The following MAML2 variants were observed in gnomAD, a reference collection of about 807,000 sequenced individuals.
MAML2 encodes mastermind-like protein 2.
MAML2 carries 22 observed loss-of-function variants against 96.1 expected under a neutral mutation model. The ratio of observed to expected loss-of-function variants is 0.23; its 90% CI spans 0.16 to 0.33. The LOEUF is 0.33. Ranked by LOEUF, MAML2 falls within the 10% of genes least tolerant of loss-of-function variation. The probability of loss-of-function intolerance (pLI) is 1.00; values close to 1 mark genes in which losing one functional copy is unlikely to be tolerated. For missense variants in MAML2, 1,367 were observed against 1,392.4 expected (o/e 0.98, Z 0.29); for synonymous variants, 561 against 521.3 (o/e 1.08, Z -1.04).
At chr11:96,113,169 A>G (rs1860160731) in intron 1 of MAML2, among the ~76,000 whole-genome samples, 1 of 34,428 alleles carries the variant, frequency 2.9e-5, no homozygotes, top group Admixed American at 4.2e-4. Flanking sequence ...AGTCTTTAAA[A>G]GACAAAAAAA....
intron 2 of MAML2, among the ~76,000 whole-genome samples, chr11:96,002,685 T>TAATGA (rs1554994167): frequency 4.3e-5 from 3 of 69,290 alleles, no homozygotes; most frequent in Admixed American, 1.7e-4. Flanking sequence ...ATGATGGGGA[T>TAATGA]GGTGGGGAGC....
chr11:96,196,502 C>T (rs553471914), intron 1 of MAML2, among the ~76,000 whole-genome samples: 62 of 152,168 alleles, frequency 4.1e-4, no homozygotes, highest in Non-Finnish European at 7.8e-4. Context: ...CAGGGATTGA[C>T]CATTGAAGTC....
At chr11:96,126,385 C>T (rs1357828769) in intron 1 of MAML2, among the ~76,000 whole-genome samples, 1 of 152,130 alleles carries the variant, frequency 6.6e-6, no homozygotes, top group Non-Finnish European at 1.5e-5. Context: ...TGGTGAAACC[C>T]TGTCTCTACT....
intron 2 of MAML2, among the ~76,000 whole-genome samples, chr11:96,090,684 TA>T (rs1346739577): frequency 6.6e-6 from 1 of 152,232 alleles, no homozygotes; most frequent in Non-Finnish European, 1.5e-5. Flanking sequence ...TATAATTTTT[TA>T]AAAACACACT....
At chr11:96,285,374 A>G (rs1863124682) in intron 1 of MAML2, among the ~76,000 whole-genome samples, 1 of 152,250 alleles carries the variant, frequency 6.6e-6, no homozygotes, top group African/African-American at 2.4e-5. Context: ...TAAACACCTT[A>G]GAAGAAAATC....
At chr11:96,327,547 C>G (rs1452126846) in intron 1 of MAML2, among the ~76,000 whole-genome samples, 1 of 151,984 alleles carries the variant, frequency 6.6e-6, no homozygotes, top group East Asian at 2.0e-4. Flanking sequence ...CCTGCCTCAA[C>G]AGATTACAGG....
intron 1 of MAML2, among the ~76,000 whole-genome samples, chr11:96,117,211 C>A (rs1203392677): frequency 2.6e-5 from 4 of 151,366 alleles, no homozygotes; most frequent in Non-Finnish European, 5.9e-5. Flanking sequence ...ACTAGCCTTG[C>A]AAATTTCCAT....
chr11:96,020,444 T>C (rs959313632), intron 2 of MAML2, among the ~76,000 whole-genome samples: 4 of 152,258 alleles, frequency 2.6e-5, no homozygotes, highest in African/African-American at 7.2e-5. Flanking sequence ...TTTCTCTTGT[T>C]CTCAGCTAGG....
chr11:96,187,166 A>G (rs1041843631), intron 1 of MAML2, among the ~76,000 whole-genome samples: 2 of 152,166 alleles, frequency 1.3e-5, no homozygotes, highest in African/African-American at 4.8e-5. Flanking sequence ...ATTCATTTGG[A>G]TACTTTCTCC....
chr11:96,100,747 TC>T (rs1452606710), intron 1 of MAML2, among the ~76,000 whole-genome samples: 20 of 137,032 alleles, frequency 1.5e-4, no homozygotes, highest in Admixed American at 1.5e-4. Context: ...TTTTTTTTTT[TC>T]TTTTTTTTTT....
intron 1 of MAML2, among the ~76,000 whole-genome samples, chr11:96,225,564 G>A (rs1862198848): frequency 6.6e-6 from 1 of 152,188 alleles, no homozygotes; most frequent in African/African-American, 2.4e-5. Context: ...AGGCATGGTG[G>A]TTCACACCTG....
intron 2 of MAML2, among the ~76,000 whole-genome samples, chr11:96,026,998 A>G (rs2135742258): frequency 6.6e-6 from 1 of 152,270 alleles, no homozygotes; most frequent in South Asian, 2.1e-4. Context: ...TCGATGAATA[A>G]ATAAACCAAT....
intron 1 of MAML2, among the ~76,000 whole-genome samples, chr11:96,317,839 A>C (rs571865288): frequency 1.3e-3 from 200 of 152,342 alleles, no homozygotes; most frequent in African/African-American, 4.6e-3. Flanking sequence ...CAGATGACTT[A>C]TTTGCAGAGC....
intron 1 of MAML2, among the ~76,000 whole-genome samples, chr11:96,243,394 C>T (rs1862464290): frequency 1.3e-5 from 2 of 152,158 alleles, no homozygotes; most frequent in Admixed American, 6.5e-5. Context: ...TAGAGGAGGC[C>T]AGCTCTGAAC....
chr11:96,112,458 C>T (rs183000136), intron 1 of MAML2, among the ~76,000 whole-genome samples: 1 of 152,380 alleles, frequency 6.6e-6, no homozygotes, highest in African/African-American at 2.4e-5. Context: ...CATCCATTTC[C>T]TTTTCCTGGG....
chr11:96,165,495 C>T (rs531824174), intron 1 of MAML2, among the ~76,000 whole-genome samples: 2 of 152,162 alleles, frequency 1.3e-5, no homozygotes, highest in Admixed American at 1.3e-4. Context: ...TCCAATTTTT[C>T]AGTTATAAAT....
At chr11:96,020,006 C>A (rs758340545) in intron 2 of MAML2, among the ~76,000 whole-genome samples, 3 of 152,106 alleles carry the variant, frequency 2.0e-5, no homozygotes, top group Non-Finnish European at 2.9e-5. Flanking sequence ...AAAGAGGCTG[C>A]GAAGCACTTT....
chr11:96,044,002 G>C (rs1189062612), intron 2 of MAML2, among the ~76,000 whole-genome samples: 1 of 152,234 alleles, frequency 6.6e-6, no homozygotes, highest in African/African-American at 2.4e-5. Flanking sequence ...AGGGCCTATG[G>C]CCCATGGAGA....
intron 1 of MAML2, among the ~76,000 whole-genome samples, chr11:96,285,333 A>G (rs1386660509): frequency 6.6e-6 from 1 of 152,228 alleles, no homozygotes; most frequent in Non-Finnish European, 1.5e-5. Flanking sequence ...AGTAAGATGG[A>G]TTAAAGACTT....
Sources: allele counts gnomAD v4.1 joint callset (sites outside exome capture counted in the v4.1 genomes callset), GRCh38; gene constraint gnomAD v4.1.1; transcripts MANE v1.5; gene names NCBI Gene and HGNC (gene_info 2026-07-23, HGNC 2026-07-21).